Variants in ARHGAP15 observed in about 807,000 individuals in gnomAD.
ARHGAP15 encodes the protein Rho GTPase activating protein 15, also known as rho GTPase-activating protein 15.
Under a neutral mutation model 63.7 loss-of-function variants are expected in ARHGAP15, and 51 were observed. The ratio of observed to expected loss-of-function variants is 0.80; its 90% CI spans 0.64 to 1.01. ARHGAP15 has a LOEUF of 1.01. ARHGAP15 is among the 50% of genes least tolerant of loss of function. ARHGAP15 has a pLI of 0.00. For missense variants in ARHGAP15, 560 were observed against 564.6 expected (o/e 0.99, Z 0.08); for synonymous variants, 191 against 193.8 (o/e 0.99, Z 0.12).
chr2:143,479,484 T>C (rs1315500542), intron 8 of ARHGAP15, among the ~76,000 whole-genome samples: 2 of 152,144 alleles, frequency 1.3e-5, no homozygotes, highest in African/African-American at 4.8e-5. Context: ...GGAAAACATA[T>C]TTCTGCTTCA....
At chr2:143,543,982 A>T (rs1381278026) in intron 10 of ARHGAP15, among the ~76,000 whole-genome samples, 1 of 152,192 alleles carries the variant, frequency 6.6e-6, no homozygotes, top group Non-Finnish European at 1.5e-5. Flanking sequence ...ATAGGAAGTC[A>T]GAAAGCCAAC....
chr2:143,316,397 A>G (rs1035069730), intron 6 of ARHGAP15, among the ~76,000 whole-genome samples: 1 of 151,444 alleles, frequency 6.6e-6, no homozygotes, highest in African/African-American at 2.4e-5. Context: ...TTTGAGAAGA[A>G]CTCCCCAGCA....
chr2:143,236,048 G>C, intron 5 of ARHGAP15: 2 of 1,495,402 alleles, frequency 1.3e-6, no homozygotes, highest in Non-Finnish European at 1.8e-6. Context: ...TTGCATCATA[G>C]AGAAGAAGCT....
intron 13 of ARHGAP15, among the ~76,000 whole-genome samples, chr2:143,767,634 T>A (rs1431595296): frequency 3.9e-5 from 6 of 152,220 alleles, no homozygotes; most frequent in Admixed American, 6.5e-5. Context: ...TATATATATT[T>A]TTTTGCATGC....
chr2:143,546,309 A>C (rs1160692888), intron 10 of ARHGAP15, among the ~76,000 whole-genome samples: 1 of 152,314 alleles, frequency 6.6e-6, no homozygotes. Context: ...ATCAGTATCT[A>C]TTTCAAGTAT....
intron 12 of ARHGAP15, among the ~76,000 whole-genome samples, chr2:143,696,530 C>T (rs996721936): frequency 9.2e-5 from 14 of 152,120 alleles, no homozygotes; most frequent in Admixed American, 6.6e-4. Context: ...CTAATTCCTT[C>T]GGGACCAGGA....
intron 6 of ARHGAP15, among the ~76,000 whole-genome samples, chr2:143,416,852 C>G (rs1688712090): frequency 7.8e-6 from 1 of 128,214 alleles, no homozygotes. Flanking sequence ...CACGCCCCCA[C>G]GCCCCCAACA....
chr2:143,766,172 T>C (rs2105561450), intron 13 of ARHGAP15, among the ~76,000 whole-genome samples: 1 of 152,266 alleles, frequency 6.6e-6, no homozygotes, highest in Admixed American at 6.5e-5. Context: ...GTCCCCCTTA[T>C]CTGTGGTTTC....
chr2:143,229,031 G>T (rs549629605), intron 5 of ARHGAP15, among the ~76,000 whole-genome samples: 15 of 152,192 alleles, frequency 9.9e-5, no homozygotes, highest in Non-Finnish European at 2.1e-4. Flanking sequence ...GTTATAAAAT[G>T]CATTAGTAAT....
At chr2:143,580,488 C>T (rs1289799326) in intron 11 of ARHGAP15, among the ~76,000 whole-genome samples, 1 of 152,090 alleles carries the variant, frequency 6.6e-6, no homozygotes, top group Non-Finnish European at 1.5e-5. Context: ...CCGGTGACAA[C>T]AGATTCTGTA....
chr2:143,549,015 G>T (rs1358890028), intron 10 of ARHGAP15, among the ~76,000 whole-genome samples: 1 of 152,126 alleles, frequency 6.6e-6, no homozygotes, highest in Non-Finnish European at 1.5e-5. Context: ...AACATGAAAT[G>T]AGAGATGTAC....
intron 8 of ARHGAP15, among the ~76,000 whole-genome samples, chr2:143,439,892 C>A (rs1483969904): frequency 6.6e-6 from 1 of 151,948 alleles, no homozygotes; most frequent in Non-Finnish European, 1.5e-5. Flanking sequence ...AATCAGGACC[C>A]AAAAACTTAT....
chr2:143,688,676 C>T (rs1683457707), intron 12 of ARHGAP15, among the ~76,000 whole-genome samples: 1 of 152,114 alleles, frequency 6.6e-6, no homozygotes, highest in Non-Finnish European at 1.5e-5. Flanking sequence ...TCTTTGCATA[C>T]ATGAGAATGT....
intron 4 of ARHGAP15, among the ~76,000 whole-genome samples, chr2:143,226,894 A>G (rs1693233951): frequency 6.6e-6 from 1 of 152,198 alleles, no homozygotes; most frequent in Admixed American, 6.5e-5. Context: ...TTACTGAATC[A>G]AAGCTGTCCT....
At chr2:143,457,198 G>A (rs761529897) in intron 8 of ARHGAP15, among the ~76,000 whole-genome samples, 1 of 151,986 alleles carries the variant, frequency 6.6e-6, no homozygotes, top group African/African-American at 2.4e-5. Context: ...ATGTACAAAT[G>A]AGCACCAGAA....
chr2:143,366,962 A>C (rs1016681204), intron 6 of ARHGAP15, among the ~76,000 whole-genome samples: 3 of 152,210 alleles, frequency 2.0e-5, no homozygotes, highest in Admixed American at 2.0e-4. Context: ...ATATTTTTCA[A>C]AGTGTCCTGT....
intron 8 of ARHGAP15, among the ~76,000 whole-genome samples, chr2:143,470,584 CATAT>C (rs952787949): frequency 3.4e-5 from 5 of 147,398 alleles, no homozygotes; most frequent in African/African-American, 1.0e-4. Flanking sequence ...TGTGTGTGTA[CATAT>C]ATATATGCAT....
intron 8 of ARHGAP15, among the ~76,000 whole-genome samples, chr2:143,467,623 T>G (rs1419247261): frequency 6.6e-6 from 1 of 152,090 alleles, no homozygotes; most frequent in Non-Finnish European, 1.5e-5. Flanking sequence ...ACTAGAAATT[T>G]CCCGAAGAAT....
chr2:143,263,498 T>C (rs889320883), intron 6 of ARHGAP15, among the ~76,000 whole-genome samples: 1 of 152,120 alleles, frequency 6.6e-6, no homozygotes, highest in Non-Finnish European at 1.5e-5. Context: ...AAAGCCATGA[T>C]GTTGAGTGTG....
Sources: gnomAD v4.1 joint callset for allele counts (sites outside exome capture counted in the v4.1 genomes callset) on GRCh38, gnomAD v4.1.1 for gene constraint, MANE v1.5 for transcripts, NCBI Gene and HGNC (gene_info 2026-07-23, HGNC 2026-07-21) for gene names.